Variants in JADE1 observed in about 807,000 individuals in gnomAD.
The protein encoded by JADE1 is protein Jade-1.
JADE1 carries 14 observed loss-of-function variants against 81.8 expected under a neutral mutation model. The observed-to-expected ratio is 0.17, with a 90% confidence interval of 0.11 to 0.27. JADE1 has a LOEUF of 0.27. Among genes scored for constraint, JADE1 ranks in the 10% least tolerant of loss-of-function variants. The pLI is 1.00. For missense variants in JADE1, 690 were observed against 1,047.9 expected (o/e 0.66, Z 4.71); for synonymous variants, 353 against 391.9 (o/e 0.90, Z 1.17).
chr4:128,868,980 C>T (rs549482105), intron 10 of JADE1, among the ~76,000 whole-genome samples: 1 of 152,214 alleles, frequency 6.6e-6, no homozygotes, highest in East Asian at 1.9e-4. Context: ...TTTGTCACTC[C>T]ATCTAGATTA....
intron 9 of JADE1, chr4:128,863,825 C>T: frequency 1.0e-6 from 1 of 985,408 alleles, no homozygotes; most frequent in Non-Finnish European, 1.2e-6. Context: ...GGTGCATGAG[C>T]TATGGAGTCA....
intron 4 of JADE1, among the ~76,000 whole-genome samples, chr4:128,847,824 G>A (rs1231803819): frequency 2.0e-5 from 3 of 152,166 alleles, no homozygotes; most frequent in Non-Finnish European, 4.4e-5. Flanking sequence ...GTAATATAAG[G>A]GTGATGAAGG....
intron 1 of JADE1, among the ~76,000 whole-genome samples, chr4:128,813,233 C>T (rs1411287881): frequency 6.6e-6 from 1 of 152,110 alleles, no homozygotes; most frequent in African/African-American, 2.4e-5. Flanking sequence ...TTCAATATGT[C>T]CATACTTGCA....
chr4:128,823,323 CAA>C (rs1227491221), intron 1 of JADE1, among the ~76,000 whole-genome samples: 4 of 152,148 alleles, frequency 2.6e-5, no homozygotes, highest in Non-Finnish European at 4.4e-5. Context: ...CAGAACCACT[CAA>C]ATTTAAAATT....
At position 128,846,529 on chromosome 4, in the gene JADE1, C is replaced by T. The variant is rs1377999565; in HGVS notation, c.293C>T (p.Ala98Val). Residue 98 changes from alanine (A) to valine (V), a missense_variant, in exon 4 of 11, where the codon GCC becomes GTC. Physicochemically the swap from Ala to Val is moderately conservative, Grantham distance 64 (BLOSUM62 0). Coordinates refer to ENST00000226319, the MANE Select transcript of JADE1 (RefSeq NM_199320.4). The surrounding 1 kb of genome is among the most constrained non-coding windows in gnomAD (Gnocchi z 4.0). ...VSPGTIPQPV[A>V]RVVSEEKSLM... is the part of the protein sequence containing the mutation. ...CCGGGGACCATCCCTCAGCCTGTGG[C>T]CAGGTAGAGATGCCCTGAGGACAGA... The T allele has an allele frequency of 6.2e-7, 1 of 1,614,010 alleles. No homozygotes were observed. The highest frequency in any genetic ancestry group is 8.5e-7 in the Non-Finnish European group (1 of 1,179,984).
At chr4:128,862,520 T>C in intron 9 of JADE1, 1 of 1,244,926 alleles carries the variant, frequency 8.0e-7, no homozygotes, top group African/African-American at 1.5e-5. Flanking sequence ...CCACCCCCAT[T>C]CCTTCATTCT....
chr4:128,864,001 G>C (rs906454804), intron 9 of JADE1: 95 of 985,110 alleles, frequency 9.6e-5, no homozygotes, highest in Non-Finnish European at 1.1e-4. Context: ...ATTTTTTTTG[G>C]AGTCATCACT....
In JADE1 at chr4:128,862,120, G is replaced by C; in HGVS notation, c.1398G>C (p.Leu466=). 1.2e-6 allele frequency: 2 copies of C among 1,614,188 alleles called. No homozygotes were observed. The highest frequency in any genetic ancestry group is 1.1e-5 in the South Asian group (1 of 91,080). ...LKRKVNFNKP[L]ITPKKDEEDN... ...GGAAGGTCAACTTCAACAAGCCCCT[G>C]ATCACCCCAAAGAAAGATGAAGAGG... The change falls in exon 9 of 11, where the codon CTG becomes CTC. Residue 466 remains leucine, a synonymous_variant. Transcript: ENST00000226319.
chr4:128,836,719 G>A (rs1729011191), intron 2 of JADE1, among the ~76,000 whole-genome samples: 2 of 149,776 alleles, frequency 1.3e-5, no homozygotes, highest in Admixed American at 1.3e-4. Context: ...CAGGCAAATA[G>A]TAGCTCTGAT....
chr4:128,811,836 A>T (rs1726428965), intron 1 of JADE1: 1 of 151,728 alleles, frequency 6.6e-6, no homozygotes, highest in Non-Finnish European at 1.5e-5. Flanking sequence ...GCTTCCTGTG[A>T]CAGAGGTGAT....
Position 128,871,350 on chromosome 4 carries a change from T to G in JADE1, c.1622-5T>G, listed in dbSNP as rs1201376394. Reference sequence around the variant, plus strand: ...TTTTCTTTATTTGTGGTTTTATGTTTATAGGTGTGCCTTCTTCCTGCTCCT... The same window carrying G: ...TTTTCTTTATTTGTGGTTTTATGTTGATAGGTGTGCCTTCTTCCTGCTCCT... On this transcript the variant is annotated splice_polypyrimidine_tract_variant and splice_region_variant and intron_variant, in intron 10 of 10. Transcript: ENST00000226319. This position sits in a 1 kb window ranked among gnomAD's most constrained non-coding sequence, Gnocchi z 4.1. 1 of 1,609,826 alleles carries G rather than the reference T, an allele frequency of 6.2e-7. No individual in the cohort carries two copies. Among genetic ancestry groups the G allele is most frequent in the East Asian group, 2.2e-5 (1 of 44,816 alleles).
At chr4:128,859,573 G>A (rs934077079) in intron 8 of JADE1, among the ~76,000 whole-genome samples, 3 of 151,974 alleles carry the variant, frequency 2.0e-5, no homozygotes, top group African/African-American at 4.8e-5. Flanking sequence ...GTGAGTATGC[G>A]TGTATGTGTG....
intron 10 of JADE1, among the ~76,000 whole-genome samples, chr4:128,869,205 T>C (rs2125902937): frequency 6.6e-6 from 1 of 152,356 alleles, no homozygotes; most frequent in South Asian, 2.1e-4. Flanking sequence ...CAAGATTAAG[T>C]ATTTTCCAGG....
intron 9 of JADE1, chr4:128,863,715 A>T (rs1731560292): frequency 1.0e-6 from 1 of 985,238 alleles, no homozygotes; most frequent in Non-Finnish European, 1.2e-6. Context: ...AACTACATGT[A>T]TGTGTGGCAT....
At chr4:128,831,085 A>T (rs1728510583) in intron 1 of JADE1, among the ~76,000 whole-genome samples, 1 of 152,214 alleles carries the variant, frequency 6.6e-6, no homozygotes, top group Non-Finnish European at 1.5e-5. Context: ...GTTGCTGCTT[A>T]ACCTTTCTTG....
In JADE1 at chr4:128,872,460, G is replaced by A. The variant is rs1732264834; in HGVS notation, c.*198G>A. On this transcript the variant is annotated 3_prime_UTR_variant, in exon 11 of 11. Coordinates refer to ENST00000226319, the MANE Select transcript of JADE1 (RefSeq NM_199320.4). ...TTTGTGTTATTTGCAACTTGTTGAG[G>A]AAACAGAAGAGTAGATTGTAACCAT... 1.7e-6 allele frequency: 1 copy of A among 572,028 alleles called. No homozygotes were observed. The highest frequency in any genetic ancestry group is 1.9e-5 in the African/African-American group (1 of 53,682). 35.4% of individuals were successfully genotyped at this position (572,028 alleles called of 1,614,324 possible). A position where few individuals can be genotyped will look rare whatever the true frequency, so the allele number is the denominator to read the frequency against.
At chr4:128,841,474 G>A (rs1362716680) in intron 2 of JADE1, among the ~76,000 whole-genome samples, 1 of 152,238 alleles carries the variant, frequency 6.6e-6, no homozygotes, top group East Asian at 1.9e-4. Flanking sequence ...TGTCCTGAAT[G>A]AGAAGAGTCT....
At chr4:128,839,380 G>T (rs1190823765) in intron 2 of JADE1, among the ~76,000 whole-genome samples, 2 of 152,142 alleles carry the variant, frequency 1.3e-5, no homozygotes, top group Non-Finnish European at 2.9e-5. Context: ...AAGTAAAATA[G>T]AATTTTTTTC....
Position 128,849,174 on chromosome 4 carries a change from G to T in JADE1, c.484+7G>T, listed in dbSNP as rs72918483. 5.4e-4 allele frequency: 863 copies of T among 1,596,244 alleles called. 5 individuals are homozygous for T. The African/African-American group carries it at 0.01, about 19-fold the overall frequency. ...GAAGAATTTAAGGAGATGGGTGAGAGACCATGTATTCTATTATTTTATTAA... is the reference window on the plus strand; with the variant it reads ...GAAGAATTTAAGGAGATGGGTGAGATACCATGTATTCTATTATTTTATTAA... On this transcript the variant is annotated splice_region_variant and intron_variant, in intron 5 of 10. Coordinates refer to ENST00000226319, the MANE Select transcript of JADE1 (RefSeq NM_199320.4).
Sources: allele counts gnomAD v4.1 joint callset (sites outside exome capture counted in the v4.1 genomes callset), GRCh38; gene constraint gnomAD v4.1.1; non-coding constraint Gnocchi (gnomAD v3.1); transcripts MANE v1.5; gene names NCBI Gene and HGNC (gene_info 2026-07-23, HGNC 2026-07-21).